The following RBFOX1 variants were observed in gnomAD, a reference collection of about 807,000 sequenced individuals.
RBFOX1 encodes the protein RNA binding protein fox-1 homolog 1.
In RBFOX1, 8 loss-of-function variants were observed where a neutral mutation model predicts 57.7. That is an observed-to-expected ratio of 0.14 (90% CI 0.08 to 0.25). RBFOX1 has a LOEUF of 0.25. Among genes scored for constraint, RBFOX1 ranks in the 10% least tolerant of loss-of-function variants. The pLI, the probability that RBFOX1 is intolerant of heterozygous loss-of-function variation, is 1.00. For missense variants in RBFOX1, 611 were observed against 548.5 expected (o/e 1.11, Z -1.14); for synonymous variants, 326 against 222.4 (o/e 1.47, Z -4.15).
At chr16:6,609,747 G>C (rs1277438624) in intron 2 of RBFOX1, among the ~76,000 whole-genome samples, 1 of 152,060 alleles carries the variant, frequency 6.6e-6, no homozygotes, top group Non-Finnish European at 1.5e-5. Flanking sequence ...TGGTGAATCA[G>C]GCCTGTAATG....
chr16:5,529,229 A>T (rs2044363616), intron 2 of RBFOX1, among the ~76,000 whole-genome samples: 1 of 152,006 alleles, frequency 6.6e-6, no homozygotes, highest in Non-Finnish European at 1.5e-5. Context: ...AGGGTGCGTG[A>T]CTTTGTTATG....
intron 1 of RBFOX1, among the ~76,000 whole-genome samples, chr16:6,197,785 T>A (rs1021818653): frequency 1.3e-5 from 2 of 152,064 alleles, no homozygotes; most frequent in Non-Finnish European, 2.9e-5. Flanking sequence ...TCTGCTCCTC[T>A]CCCTCCTCCC....
chr16:6,256,299 GTATATATA>G (rs1343136996), intron 1 of RBFOX1, among the ~76,000 whole-genome samples: 1 of 131,428 alleles, frequency 7.6e-6, no homozygotes, highest in African/African-American at 3.1e-5. Flanking sequence ...ATATATATAT[GTATATATA>G]TATATGTATA....
At chr16:7,603,241 A>C (rs1175682520) in intron 9 of RBFOX1, among the ~76,000 whole-genome samples, 1 of 151,734 alleles carries the variant, frequency 6.6e-6, no homozygotes, top group East Asian at 1.9e-4. Flanking sequence ...AATCAGAGCC[A>C]AAAAAAAATT....
chr16:6,698,051 C>G (rs1270203242), intron 3 of RBFOX1, among the ~76,000 whole-genome samples: 1 of 152,156 alleles, frequency 6.6e-6, no homozygotes, highest in East Asian at 1.9e-4. Context: ...TCTCTTGTCC[C>G]ACTGCACACT....
At chr16:5,264,970 A>C (rs906933254) in intron 1 of RBFOX1, among the ~76,000 whole-genome samples, 2 of 152,110 alleles carry the variant, frequency 1.3e-5, no homozygotes, top group African/African-American at 4.8e-5. Flanking sequence ...AGCAAAACCT[A>C]ACCTATTCTG....
chr16:6,052,525 C>T (rs1188408417), intron 1 of RBFOX1, among the ~76,000 whole-genome samples: 1 of 152,140 alleles, frequency 6.6e-6, no homozygotes. Flanking sequence ...TGGCTCACAC[C>T]TGTAATCCCA....
At chr16:5,680,539 A>G (rs1431723737) in intron 3 of RBFOX1, among the ~76,000 whole-genome samples, 1 of 152,182 alleles carries the variant, frequency 6.6e-6, no homozygotes, top group Non-Finnish European at 1.5e-5. Context: ...CTTGGAGTAC[A>G]TGTCACATGG....
chr16:6,218,399 C>G (rs1462159830), intron 1 of RBFOX1, among the ~76,000 whole-genome samples: 1 of 152,138 alleles, frequency 6.6e-6, no homozygotes, highest in Non-Finnish European at 1.5e-5. Context: ...ACACCTGCCT[C>G]CAGGGTTCAA....
At chr16:6,080,624 G>A (rs1436920017) in intron 1 of RBFOX1, among the ~76,000 whole-genome samples, 2 of 152,138 alleles carry the variant, frequency 1.3e-5, no homozygotes, top group African/African-American at 4.8e-5. Context: ...ACCAACTTGG[G>A]CTGAGTTGGA....
intron 4 of RBFOX1, among the ~76,000 whole-genome samples, chr16:6,004,098 G>C (rs559299200): frequency 8.2e-4 from 125 of 152,310 alleles, no homozygotes; most frequent in South Asian, 1.7e-3. Context: ...TTAATACCAA[G>C]GTGATGGGTT....
intron 4 of RBFOX1, among the ~76,000 whole-genome samples, chr16:7,289,377 G>C (rs2095714361): frequency 6.6e-6 from 1 of 151,860 alleles, no homozygotes; most frequent in African/African-American, 2.4e-5. Flanking sequence ...ACAGTAGCCA[G>C]ATTATCATTA....
Position 6,512,283 on chromosome 16 carries a change from C to CAAAAAAAAAAAA in RBFOX1, c.-63-142315_-63-142304dup, listed in dbSNP as rs565248640. Reference sequence around the variant, plus strand: ...TGGGTAACAGAGCAAGACCCTGTATCAAAAAAAAAAAAAAAAGGTAAGAGA... The same window carrying CAAAAAAAAAAAA: ...TGGGTAACAGAGCAAGACCCTGTATCAAAAAAAAAAAAAAAAAAAAAAAAAAAAGGTAAGAGA... On this transcript the variant is annotated intron_variant, in intron 2 of 15. Transcript: ENST00000550418. Among the ~76,000 whole-genome samples, 17 of 86,942 alleles carry CAAAAAAAAAAAA rather than the reference C, an allele frequency of 2.0e-4. 1 individual carries two copies. Among genetic ancestry groups the CAAAAAAAAAAAA allele is most frequent in the East Asian group, 1.6e-3 (4 of 2,548 alleles). The allele number at this position is 86,942 out of a possible 152,430, so 57.0% of individuals were successfully genotyped here.
chr16:6,155,023 G>C (rs765371012), intron 1 of RBFOX1, among the ~76,000 whole-genome samples: 3 of 152,056 alleles, frequency 2.0e-5, no homozygotes, highest in Admixed American at 6.5e-5. Context: ...TGCTAACAAG[G>C]GTCAATTATA....
At chr16:6,975,663 T>G (rs2086666834) in intron 3 of RBFOX1, among the ~76,000 whole-genome samples, 1 of 152,174 alleles carries the variant, frequency 6.6e-6, no homozygotes, top group African/African-American at 2.4e-5. Flanking sequence ...GATCAGAATT[T>G]CAGCCCAAGT....
At chr16:6,621,357 G>A (rs564437674) in intron 2 of RBFOX1, among the ~76,000 whole-genome samples, 3 of 152,108 alleles carry the variant, frequency 2.0e-5, no homozygotes, top group East Asian at 1.9e-4. Flanking sequence ...CCAGCTACTC[G>A]GGAGGCTGAG....
intron 4 of RBFOX1, among the ~76,000 whole-genome samples, chr16:7,107,814 A>G (rs2063882940): frequency 6.6e-6 from 1 of 152,148 alleles, no homozygotes; most frequent in African/African-American, 2.4e-5. Context: ...TTTGTGTCTG[A>G]AAAGGATCTT....
chr16:7,646,674 T>C (rs1715090925), intron 11 of RBFOX1, among the ~76,000 whole-genome samples: 2 of 152,238 alleles, frequency 1.3e-5, no homozygotes, highest in Non-Finnish European at 2.9e-5. Context: ...TATATTTTTA[T>C]GGCTTTGGTG....
intron 14 of RBFOX1, among the ~76,000 whole-genome samples, chr16:7,696,931 C>T (rs1354733075): frequency 6.6e-6 from 1 of 152,092 alleles, no homozygotes; most frequent in Admixed American, 6.6e-5. Context: ...AGGAGTAAGA[C>T]ATCCAGTGTG....
Sources: gnomAD v4.1 joint callset for allele counts (sites outside exome capture counted in the v4.1 genomes callset) on GRCh38, gnomAD v4.1.1 for gene constraint, MANE v1.5 for transcripts, NCBI Gene and HGNC (gene_info 2026-07-23, HGNC 2026-07-21) for gene names.